The following RBFOX1 variants were observed in gnomAD, a reference collection of about 807,000 sequenced individuals.
RBFOX1 encodes the protein RNA binding fox-1 homolog 1.
In RBFOX1, 8 loss-of-function variants were observed where a neutral mutation model predicts 57.7. The observed-to-expected ratio is 0.14, with a 90% confidence interval of 0.08 to 0.25. The LOEUF (loss-of-function observed/expected upper bound fraction) is 0.25, where lower values mean the gene tolerates loss of function less well. RBFOX1 is among the 10% of genes least tolerant of loss of function. The pLI is 1.00. For missense variants in RBFOX1, 611 were observed against 548.5 expected (o/e 1.11, Z -1.14); for synonymous variants, 326 against 222.4 (o/e 1.47, Z -4.15).
At chr16:5,978,687 T>TTTTTG (rs1555461026) in intron 4 of RBFOX1, among the ~76,000 whole-genome samples, 4 of 150,086 alleles carry the variant, frequency 2.7e-5, no homozygotes, top group Non-Finnish European at 1.5e-5. Context: ...TGTTTTTTTT[T>TTTTTG]TTGTTGTTGT....
intron 1 of RBFOX1, among the ~76,000 whole-genome samples, chr16:6,128,643 A>G (rs1424776984): frequency 6.6e-6 from 1 of 152,214 alleles, no homozygotes; most frequent in Non-Finnish European, 1.5e-5. Flanking sequence ...GCCACAAAAG[A>G]GGAATATGTG....
chr16:6,981,981 C>T (rs1426766549), intron 3 of RBFOX1, among the ~76,000 whole-genome samples: 1 of 152,146 alleles, frequency 6.6e-6, no homozygotes, highest in Non-Finnish European at 1.5e-5. Context: ...TACAAATAAG[C>T]CTCCAAATAG....
At chr16:6,324,500 A>G (rs1027002290) in intron 2 of RBFOX1, among the ~76,000 whole-genome samples, 4 of 152,220 alleles carry the variant, frequency 2.6e-5, no homozygotes, top group Non-Finnish European at 5.9e-5. Flanking sequence ...AAGGGGGAGC[A>G]GGCACATCTT....
chr16:7,049,654 A>T (rs1411441469), intron 3 of RBFOX1, among the ~76,000 whole-genome samples: 1 of 152,002 alleles, frequency 6.6e-6, no homozygotes, highest in African/African-American at 2.4e-5. Context: ...TTCACCACTT[A>T]TGTGGCGGTA....
rs375739058 is a variant in RBFOX1 at position 6,562,271 on chromosome 16, AG to A, written c.-63-92331del. On this transcript the variant is annotated intron_variant, in intron 2 of 15. Coordinates refer to ENST00000550418, the MANE Select transcript of RBFOX1 (RefSeq NM_018723.4). ...ACCTGATTACCTTATCTGTACAATT[AG>A]AGATTGCCTTATCTGCACACTAATT... Among the ~76,000 whole-genome samples the A allele has an allele frequency of 3.9e-5, 6 of 152,376 alleles. No individual in the cohort carries two copies. The East Asian group carries it at 1.2e-3, about 29-fold the overall frequency.
In RBFOX1 at chr16:5,929,876, A is replaced by G. The variant is rs534603501; in HGVS notation, c.351+62541A>G. ...AAACAGAGTCTTCTGAGAGTCCAGA[A>G]AAGGAGAGAATTAATTCTTAATGAG... On this transcript the variant is annotated intron_variant, in intron 4 of 19. Transcript: ENST00000641259. Among the ~76,000 whole-genome samples, 3 of 150,374 alleles carry G rather than the reference A, an allele frequency of 2.0e-5. No individual in the cohort carries two copies. The East Asian group carries it at 5.9e-4, about 30-fold the overall frequency.
chr16:5,730,698 T>C (rs1377637616), intron 3 of RBFOX1, among the ~76,000 whole-genome samples: 14 of 151,580 alleles, frequency 9.2e-5, no homozygotes. Context: ...CCACCATCAT[T>C]ATCATCATTA....
At chr16:5,261,548 G>GT (rs2062732906) in intron 1 of RBFOX1, among the ~76,000 whole-genome samples, 2 of 114,948 alleles carry the variant, frequency 1.7e-5, no homozygotes, top group Non-Finnish European at 3.7e-5. Context: ...CTGTGTGTAT[G>GT]GTTTTTTTTT....
intron 3 of RBFOX1, among the ~76,000 whole-genome samples, chr16:5,690,805 G>C (rs1474168197): frequency 6.6e-6 from 1 of 152,132 alleles, no homozygotes; most frequent in African/African-American, 2.4e-5. Flanking sequence ...CCATGCCTAG[G>C]CTGAAGTTTC....
chr16:6,048,930 T>C (rs1248197105), intron 1 of RBFOX1, among the ~76,000 whole-genome samples: 1 of 152,144 alleles, frequency 6.6e-6, no homozygotes, highest in Non-Finnish European at 1.5e-5. Flanking sequence ...GTTCTAGCTA[T>C]AGCATGACTC....
At chr16:5,803,501 T>A (rs894259657) in intron 3 of RBFOX1, among the ~76,000 whole-genome samples, 10 of 152,228 alleles carry the variant, frequency 6.6e-5, no homozygotes, top group African/African-American at 2.4e-4. Flanking sequence ...GGTGCTACTT[T>A]CTTTGTGAGA....
At chr16:6,877,911 G>A (rs13333125) in intron 3 of RBFOX1, among the ~76,000 whole-genome samples, 1,741 of 152,210 alleles carry the variant, frequency 0.011, 28 homozygotes, top group African/African-American at 0.04. Flanking sequence ...AGGATCTTGC[G>A]AATGGTAGTT....
At chr16:6,266,391 G>C in intron 1 of RBFOX1, among the ~76,000 whole-genome samples, 1 of 152,112 alleles carries the variant, frequency 6.6e-6, no homozygotes, top group East Asian at 1.9e-4. Flanking sequence ...GTCTCTAGCA[G>C]AATCTCAGAA....
chr16:6,317,245 T>A (rs753024611), intron 2 of RBFOX1, among the ~76,000 whole-genome samples, 188 bp downstream of exon 2: 3 of 152,164 alleles, frequency 2.0e-5, no homozygotes, highest in Non-Finnish European at 4.4e-5. Context: ...ACCACCCTCC[T>A]TTAGCCCTCC....
At chr16:6,835,748 T>G (rs977651438) in intron 3 of RBFOX1, among the ~76,000 whole-genome samples, 3 of 97,078 alleles carry the variant, frequency 3.1e-5, no homozygotes, top group African/African-American at 1.4e-4. Context: ...AGTAAGACTC[T>G]GCTTAAAAAA....
At chr16:6,762,855 G>C (rs749506376) in intron 3 of RBFOX1, among the ~76,000 whole-genome samples, 1 of 152,132 alleles carries the variant, frequency 6.6e-6, no homozygotes, top group Non-Finnish European at 1.5e-5. Flanking sequence ...TCTCAAAGGA[G>C]GTACCTCTCC....
At chr16:7,470,172 A>C (rs931891444) in intron 4 of RBFOX1, among the ~76,000 whole-genome samples, 1 of 152,206 alleles carries the variant, frequency 6.6e-6, no homozygotes, top group Non-Finnish European at 1.5e-5. Context: ...ATCTGACTGT[A>C]TACCCCAGGT....
chr16:6,768,520 C>G (rs574629928), intron 3 of RBFOX1, among the ~76,000 whole-genome samples: 20 of 151,840 alleles, frequency 1.3e-4, no homozygotes, highest in African/African-American at 4.1e-4. Flanking sequence ...TGAATAGTAT[C>G]TATTTTCTAT....
chr16:7,199,958 CGT>C (rs1316563889), intron 4 of RBFOX1, among the ~76,000 whole-genome samples: 2 of 151,944 alleles, frequency 1.3e-5, no homozygotes, highest in African/African-American at 2.4e-5. Context: ...GAACAAACAA[CGT>C]GTTGGGGAAC....
Sources: gnomAD v4.1 joint callset for allele counts (sites outside exome capture counted in the v4.1 genomes callset) on GRCh38, gnomAD v4.1.1 for gene constraint, MANE v1.5 for transcripts, NCBI Gene and HGNC (gene_info 2026-07-23, HGNC 2026-07-21) for gene names.